Variants in GSE1 observed in about 807,000 individuals in gnomAD.
GSE1 encodes Gse1 coiled-coil protein.
GSE1 carries 32 observed loss-of-function variants against 112.6 expected under a neutral mutation model. That is an observed-to-expected ratio of 0.28 (90% CI 0.21 to 0.38). The LOEUF is 0.38. Ranked by LOEUF, GSE1 falls within the 10% of genes least tolerant of loss-of-function variation. The pLI is 1.00. For synonymous variants in GSE1, 1,115 were observed against 735.6 expected (o/e 1.52, Z -8.35); for missense variants, 2,348 against 1,699.2 (o/e 1.38, Z -6.71).
intron 2 of GSE1, chr16:85,359,590 A>G: frequency 2.8e-6 from 1 of 352,386 alleles, no homozygotes; most frequent in Non-Finnish European, 5.7e-6. Flanking sequence ...AGCTGCTTGA[A>G]GAGGGCTGGG....
chr16:85,637,061 T>G (rs1023673640), intron 2 of GSE1, among the ~76,000 whole-genome samples: 12 of 152,370 alleles, frequency 7.9e-5, no homozygotes, highest in African/African-American at 2.9e-4. Flanking sequence ...GCCATAAAAT[T>G]CACCCTGTAG....
At chr16:85,345,899 A>C (rs2046723891) in intron 1 of GSE1, among the ~76,000 whole-genome samples, 1 of 152,134 alleles carries the variant, frequency 6.6e-6, no homozygotes, top group Non-Finnish European at 1.5e-5. Context: ...TGAACAGTGG[A>C]TATGTGGATG....
chr16:85,555,422 G>C (rs917846402), upstream of GSE1: 9 of 982,274 alleles, frequency 9.2e-6, no homozygotes, highest in Non-Finnish European at 1.1e-5. Context: ...GGTGGCGAGA[G>C]GGGGAGGGGA....
intron 1 of GSE1, among the ~76,000 whole-genome samples, chr16:85,278,573 T>A (rs183852165): frequency 9.2e-5 from 14 of 152,364 alleles, no homozygotes; most frequent in Admixed American, 9.2e-4. Context: ...GATATTTTTC[T>A]GTTAGCCTCA....
At chr16:85,597,538 T>C (rs1042981082) in intron 1 of GSE1, among the ~76,000 whole-genome samples, 10 of 152,154 alleles carry the variant, frequency 6.6e-5, no homozygotes, top group East Asian at 5.8e-4. Context: ...AGTGAGATCA[T>C]AGTTCACTGC....
At chr16:85,523,019 G>T (rs2052239799) in intron 2 of GSE1, among the ~76,000 whole-genome samples, 1 of 152,092 alleles carries the variant, frequency 6.6e-6, no homozygotes, top group African/African-American at 2.4e-5. Flanking sequence ...GGCACGTGTT[G>T]TGTGTATGCG....
intron 2 of GSE1, among the ~76,000 whole-genome samples, chr16:85,420,933 C>T (rs1366370804): frequency 6.6e-6 from 1 of 152,182 alleles, no homozygotes; most frequent in Non-Finnish European, 1.5e-5. Flanking sequence ...CCGCGCTGTC[C>T]TGCAGGGGGC....
chr16:85,414,425 C>G (rs2048657459), intron 2 of GSE1, among the ~76,000 whole-genome samples: 1 of 152,184 alleles, frequency 6.6e-6, no homozygotes, highest in African/African-American at 2.4e-5. Context: ...CACCCTTTCT[C>G]CACACCCACA....
intron 1 of GSE1, among the ~76,000 whole-genome samples, chr16:85,304,675 C>G (rs1157596075): frequency 2.0e-5 from 3 of 151,868 alleles, no homozygotes; most frequent in Non-Finnish European, 4.4e-5. Context: ...GAAAAGCCAC[C>G]TGTTGGCAGC....
intron 1 of GSE1, among the ~76,000 whole-genome samples, chr16:85,316,011 C>T (rs956810026): frequency 2.6e-5 from 4 of 152,172 alleles, no homozygotes; most frequent in South Asian, 2.1e-4. Flanking sequence ...TTCCTCTGGC[C>T]GCTCCTGCGT....
At chr16:85,509,032 G>A (rs1186906809) in intron 2 of GSE1, among the ~76,000 whole-genome samples, 1 of 152,210 alleles carries the variant, frequency 6.6e-6, no homozygotes, top group African/African-American at 2.4e-5. Context: ...CAGGGAGAGG[G>A]ACTTGAACCA....
intron 1 of GSE1, among the ~76,000 whole-genome samples, chr16:85,214,894 C>A (rs545608336): frequency 1.9e-3 from 295 of 152,266 alleles, no homozygotes; most frequent in Non-Finnish European, 3.7e-3. Flanking sequence ...AGAGCGGACC[C>A]TGTGGCCACA....
chr16:85,464,679 G>T (rs901054366), intron 2 of GSE1, among the ~76,000 whole-genome samples: 13 of 152,240 alleles, frequency 8.5e-5, no homozygotes, highest in African/African-American at 3.1e-4. Flanking sequence ...TGCAGGGTGT[G>T]GTGGTTGGAT....
At chr16:85,505,002 CAT>C (rs949429953) in intron 2 of GSE1, among the ~76,000 whole-genome samples, 5 of 136,764 alleles carry the variant, frequency 3.7e-5, no homozygotes, top group African/African-American at 1.4e-4. Context: ...GTCAGCATCA[CAT>C]GTGCACACAC....
chr16:85,357,421 G>C, intron 1 of GSE1: 2 of 1,146,408 alleles, frequency 1.7e-6, no homozygotes, highest in Non-Finnish European at 2.2e-6. Context: ...ATCCCCTGCA[G>C]GCATGGCCCA....
At chr16:85,214,238 T>C (rs2075273082) in intron 1 of GSE1, among the ~76,000 whole-genome samples, 1 of 151,150 alleles carries the variant, frequency 6.6e-6, no homozygotes, top group South Asian at 2.1e-4. Flanking sequence ...TATGCTGGGG[T>C]GAGGGCCCCC....
At chr16:85,438,656 T>G (rs2151775510) in intron 2 of GSE1, among the ~76,000 whole-genome samples, 1 of 152,326 alleles carries the variant, frequency 6.6e-6, no homozygotes, top group African/African-American at 2.4e-5. Flanking sequence ...AGCCTGCGTG[T>G]CCCAGCCACA....
At chr16:85,479,316 G>A (rs772287065) in intron 2 of GSE1, among the ~76,000 whole-genome samples, 48 of 150,646 alleles carry the variant, frequency 3.2e-4, no homozygotes, top group Middle Eastern at 3.2e-3. Flanking sequence ...ACAGGCGTGA[G>A]CCACTGTGTC....
In GSE1 at chr16:85,409,679, C is replaced by T. The variant is rs746043589; in HGVS notation, c.2464+52036C>T. ...CCTCACCGTTACACTCAGGGCCCCC[C>T]GGATAATCCTCACCGTTACACTCAG... On this transcript the variant is annotated intron_variant, in intron 2 of 2. Transcript: ENST00000637419. Among the ~76,000 whole-genome samples, 24 of 4,266 alleles carry T rather than the reference C, an allele frequency of 5.6e-3. No homozygotes were observed. In the Non-Finnish European group the frequency reaches 0.12, roughly 22 times the overall value. 2.8% of individuals were successfully genotyped at this position (4,266 alleles called of 152,430 possible).
Sources: allele counts gnomAD v4.1 joint callset (sites outside exome capture counted in the v4.1 genomes callset), GRCh38; gene constraint gnomAD v4.1.1; transcripts MANE v1.5; gene names NCBI Gene and HGNC (gene_info 2026-07-23, HGNC 2026-07-21).